The following KMT2E variants were observed in gnomAD, a reference collection of about 807,000 sequenced individuals.
The protein encoded by KMT2E is lysine methyltransferase 2E (inactive).
A neutral mutation model predicts 184.6 loss-of-function variants in KMT2E; 30 were observed. That is an observed-to-expected ratio of 0.16 (90% CI 0.12 to 0.22). The LOEUF is 0.22. KMT2E is among the 10% of genes least tolerant of loss of function. The pLI, the probability that KMT2E is intolerant of heterozygous loss-of-function variation, is 1.00. For missense variants in KMT2E, 2,023 were observed against 2,237.4 expected (o/e 0.90, Z 1.93); for synonymous variants, 815 against 776.5 (o/e 1.05, Z -0.82).
At chr7:105,044,622 A>G (rs1796021867) in intron 3 of KMT2E, among the ~76,000 whole-genome samples, 1 of 152,140 alleles carries the variant, frequency 6.6e-6, no homozygotes, top group African/African-American at 2.4e-5. Flanking sequence ...ACCTCCTAGG[A>G]TAGTGCCTGA....
intron 13 of KMT2E, among the ~76,000 whole-genome samples, chr7:105,082,756 T>C (rs1797808217): frequency 6.6e-6 from 1 of 152,240 alleles, no homozygotes; most frequent in Non-Finnish European, 1.5e-5. Context: ...TGTTTCTATA[T>C]GGTGCCAGTC....
chr7:105,112,098 G>C lies in KMT2E; in HGVS notation c.4342G>C (p.Glu1448Gln). The C allele has an allele frequency of 3.1e-6, 5 of 1,614,068 alleles. No homozygotes were observed. The highest frequency in any genetic ancestry group is 4.2e-6 in the Non-Finnish European group (5 of 1,179,996). Residue 1448 changes from glutamate (E) to glutamine (Q), a missense_variant, in exon 27 of 27, where the codon GAA (glutamate) becomes CAA (glutamine). Around this residue, in one of 8 missense-constraint regions of KMT2E, gnomAD observed 1,108 missense variants for 1,050.9 expected, o/e 1.05. Transcript: ENST00000311117. ...GCACTGTCCTCCATCACCTCACCTA[G>C]AAAATCCTCCAAAGTCATCCACGCC... ...KLHCPPSPHL[E>Q]NPPKSSTPHT...
At chr7:105,059,861 G>C (rs1030041508) in intron 3 of KMT2E, among the ~76,000 whole-genome samples, 4 of 150,240 alleles carry the variant, frequency 2.7e-5, no homozygotes, top group African/African-American at 4.9e-5. Context: ...GCTATATTTA[G>C]ATTTTCTACA....
chr7:105,109,353 TCTG>T, intron 23 of KMT2E, 125 bp downstream of exon 23: 2 of 955,868 alleles, frequency 2.1e-6, no homozygotes, highest in Non-Finnish European at 3.1e-6. Context: ...AAAGATTCTC[TCTG>T]CTAATAGGAT....
chr7:105,100,489 T>C (rs1798604687), intron 15 of KMT2E, among the ~76,000 whole-genome samples: 1 of 152,198 alleles, frequency 6.6e-6, no homozygotes, highest in Non-Finnish European at 1.5e-5. Flanking sequence ...CTTTTCATTT[T>C]AAGAACTGGA....
chr7:105,024,769 T>C (rs1795104374), intron 1 of KMT2E, among the ~76,000 whole-genome samples: 1 of 152,196 alleles, frequency 6.6e-6, no homozygotes, highest in African/African-American at 2.4e-5. Context: ...CTTTATACTT[T>C]TCCAAGAAAT....
Position 105,112,695 on chromosome 7 carries a change from C to T in KMT2E, c.4939C>T (p.His1647Tyr), listed in dbSNP as rs1329524277. Residue 1647 changes from histidine (H) to tyrosine (Y), a missense_variant, in exon 27 of 27, where the codon CAT becomes TAT. Coordinates refer to ENST00000311117, the MANE Select transcript of KMT2E (RefSeq NM_182931.3). Reference protein sequence around the residue: ...GPHLVQQPNSHQQHSVAHVVG... With the variant: ...GPHLVQQPNSYQQHSVAHVVG... ...GCACCTTGTACAACAGCCGAATTCC[C>T]ATCAGCAACACTCTGTAGCACATGT... 4.3e-6 allele frequency: 7 copies of T among 1,613,954 alleles called. No individual in the cohort carries two copies. In the Admixed American group the frequency reaches 6.7e-5, roughly 15 times the overall value.
At chr7:105,080,828 T>C (rs548486673) in intron 12 of KMT2E, among the ~76,000 whole-genome samples, 1 of 151,686 alleles carries the variant, frequency 6.6e-6, no homozygotes, top group South Asian at 2.1e-4. Context: ...CTGACCAACA[T>C]GGTGAAACCC....
rs374171552 is a variant in KMT2E, at chr7:105,107,619, C to G, written c.3162C>G (p.Asp1054Glu). Residue 1054 changes from aspartate (D) to glutamate (E), a missense_variant, in exon 22 of 27, where the codon GAC becomes GAG. By Grantham distance (45) the Asp-to-Glu change is conservative (BLOSUM62 2). This residue lies in a region of KMT2E where 1,108 missense variants were observed against 1,050.9 expected (regional missense o/e 1.05). Coordinates refer to ENST00000311117, the MANE Select transcript of KMT2E (RefSeq NM_182931.3). ...HDRAEPNSQL[D>E]STHSGRGTMY... ...GGGCTGAGCCCAACAGCCAACTGGA[C>G]TCGACTCACTCTGGACGGGGCACAA... 6.2e-7 allele frequency: 1 copy of G among 1,614,022 alleles called. No individual in the cohort carries two copies. The highest frequency in any genetic ancestry group is 1.3e-5 in the African/African-American group (1 of 74,918).
At chr7:105,018,487 T>C (rs1794808184) in intron 1 of KMT2E, among the ~76,000 whole-genome samples, 1 of 152,352 alleles carries the variant, frequency 6.6e-6, no homozygotes, top group South Asian at 2.1e-4. Context: ...ATCTCAAATA[T>C]GTAGGGTGAT....
intron 13 of KMT2E, 73 bp downstream of exon 13, chr7:105,081,870 T>C (rs1797774209): frequency 1.5e-6 from 1 of 661,440 alleles, no homozygotes; most frequent in Non-Finnish European, 2.6e-6. Flanking sequence ...AATTTAGGTA[T>C]TGTCATTACT....
chr7:105,048,857 A>G (rs1796213934), intron 3 of KMT2E, among the ~76,000 whole-genome samples: 1 of 152,200 alleles, frequency 6.6e-6, no homozygotes, highest in African/African-American at 2.4e-5. Context: ...TAGTTTGCCT[A>G]CCACTTATTT....
intron 15 of KMT2E, among the ~76,000 whole-genome samples, chr7:105,099,523 A>G (rs1220810759): frequency 6.6e-6 from 1 of 152,188 alleles, no homozygotes; most frequent in Non-Finnish European, 1.5e-5. Context: ...TTGAATGTTT[A>G]TATCATATAG....
intron 6 of KMT2E, among the ~76,000 whole-genome samples, chr7:105,068,409 C>T (rs920127354): frequency 1.3e-5 from 2 of 151,800 alleles, no homozygotes; most frequent in African/African-American, 4.8e-5. Flanking sequence ...TATGTTAATT[C>T]TGTTGTTCAT....
chr7:105,021,095 C>T (rs978894251), intron 1 of KMT2E, among the ~76,000 whole-genome samples: 4 of 152,182 alleles, frequency 2.6e-5, no homozygotes, highest in African/African-American at 4.8e-5. Flanking sequence ...AACCCCATTT[C>T]CTCTTTAATG....
intron 1 of KMT2E, among the ~76,000 whole-genome samples, chr7:105,028,521 G>A (rs1051141546): frequency 2.1e-5 from 3 of 143,876 alleles, no homozygotes; most frequent in African/African-American, 7.8e-5. Flanking sequence ...TTTGAGGGAT[G>A]GTCTCATTCA....
intron 3 of KMT2E, among the ~76,000 whole-genome samples, chr7:105,042,408 A>G (rs1020313229): frequency 6.6e-6 from 1 of 152,200 alleles, no homozygotes; most frequent in Non-Finnish European, 1.5e-5. Flanking sequence ...CATTGTATTC[A>G]TATAATGTTC....
intron 6 of KMT2E, among the ~76,000 whole-genome samples, chr7:105,067,111 A>G (rs1797062840): frequency 6.7e-6 from 1 of 149,178 alleles, no homozygotes; most frequent in African/African-American, 2.5e-5. Context: ...GAATTAATGG[A>G]TCACTGTGTT....
rs532088706 is a variant in KMT2E at position 105,110,881 on chromosome 7, A to G, written c.4068+13A>G. 1.9e-6 allele frequency: 3 copies of G among 1,579,002 alleles called. No individual in the cohort carries two copies. In the African/African-American group the frequency reaches 4.0e-5, roughly 21 times the overall value. On this transcript the variant is annotated intron_variant, in intron 26 of 26. Coordinates refer to ENST00000311117, the MANE Select transcript of KMT2E (RefSeq NM_182931.3). ...AAAAATGAGCAAGGTAATAACATTG[A>G]CCTTTCGATGGGTTCCAAAGGACTT...
Sources: allele counts gnomAD v4.1 joint callset (sites outside exome capture counted in the v4.1 genomes callset), GRCh38; gene constraint gnomAD v4.1.1; regional missense constraint gnomAD v4.1.1; transcripts MANE v1.5; gene names NCBI Gene and HGNC (gene_info 2026-07-23, HGNC 2026-07-21).